TMEM108: variants seen among roughly 807,000 people sequenced by gnomAD.
TMEM108 encodes the protein cancer/testis antigen 124.
A neutral mutation model predicts 35.1 loss-of-function variants in TMEM108; 12 were observed. The observed-to-expected ratio is 0.34, with a 90% CI of 0.22 to 0.55. TMEM108 has a LOEUF of 0.55. Among genes scored for constraint, TMEM108 ranks in the 20% least tolerant of loss-of-function variants. The pLI, the probability that TMEM108 is intolerant of heterozygous loss-of-function variation, is 0.89. For missense variants in TMEM108, 680 were observed against 753.3 expected, an observed-to-expected ratio of 0.90 and a Z score of 1.14; for synonymous variants, 287 against 308.6, an observed-to-expected ratio of 0.93 and a Z score of 0.73.
chr3:133,308,180 G>A (rs971806725), intron 3 of TMEM108, among the ~76,000 whole-genome samples: 2 of 152,086 alleles, frequency 1.3e-5, no homozygotes, highest in African/African-American at 4.8e-5. Context: ...TTGACGTATA[G>A]GAATGCTTGT....
intron 2 of TMEM108, among the ~76,000 whole-genome samples, chr3:133,117,580 G>C (rs1419533121): frequency 5.9e-5 from 9 of 152,152 alleles, no homozygotes; most frequent in African/African-American, 1.7e-4. Context: ...GACCTGGCAG[G>C]TTCTTCCTCA....
intron 2 of TMEM108, among the ~76,000 whole-genome samples, chr3:133,072,815 C>T (rs568283803): frequency 6.6e-6 from 1 of 152,080 alleles, no homozygotes; most frequent in African/African-American, 2.4e-5. Flanking sequence ...CATGCCCTAC[C>T]CCGTTTCCCC....
chr3:133,336,901 G>A (rs2071517507), intron 3 of TMEM108, among the ~76,000 whole-genome samples: 1 of 152,170 alleles, frequency 6.6e-6, no homozygotes, highest in Non-Finnish European at 1.5e-5. Flanking sequence ...AATGTTGGCA[G>A]TAGACTGGCA....
At position 133,374,561 on chromosome 3, in the gene TMEM108, T is replaced by TAC. The variant is rs1175354767; in HGVS notation, c.41-5190_41-5189insCA. Among the ~76,000 whole-genome samples the TAC allele has an allele frequency of 8.5e-4, 68 of 79,880 alleles. 1 individual carries two copies. Among genetic ancestry groups the TAC allele is most frequent in the African/African-American group, 2.1e-3 (63 of 30,602 alleles). 52.4% of individuals were successfully genotyped at this position (79,880 alleles called of 152,430 possible). A position where few individuals can be genotyped will look rare whatever the true frequency, so the allele number is the denominator to read the frequency against. On this transcript the variant is annotated intron_variant, in intron 3 of 5. Coordinates refer to ENST00000321871, the MANE Select transcript of TMEM108 (RefSeq NM_023943.4). ...TTTTTGTTATATATATATATATATA[T>TAC]ATACACACACACACATATATAATTT... is the stretch of plus-strand genomic sequence containing the variant.
chr3:133,118,772 CAT>C (rs1290510862), intron 2 of TMEM108, among the ~76,000 whole-genome samples: 1 of 152,128 alleles, frequency 6.6e-6, no homozygotes, highest in Non-Finnish European at 1.5e-5. Context: ...TTCCCACAGA[CAT>C]AAGTGAATCA....
At chr3:133,192,623 C>G (rs2107815919) in intron 2 of TMEM108, among the ~76,000 whole-genome samples, 1 of 152,234 alleles carries the variant, frequency 6.6e-6, no homozygotes, top group East Asian at 1.9e-4. Context: ...GGAGGAATTA[C>G]AGCAGGAAGG....
chr3:133,312,542 GGGAGAGAATCTCCT>G (rs1474896548), intron 3 of TMEM108, among the ~76,000 whole-genome samples: 1 of 152,254 alleles, frequency 6.6e-6, no homozygotes, highest in Non-Finnish European at 1.5e-5. Context: ...CACCAGGCAT[GGGAGAGAATCTCCT>G]GGTCTGCTGG....
At chr3:133,353,294 T>C (rs2072062848) in intron 3 of TMEM108, among the ~76,000 whole-genome samples, 1 of 152,206 alleles carries the variant, frequency 6.6e-6, no homozygotes, top group African/African-American at 2.4e-5. Flanking sequence ...CTCCATGAAG[T>C]TGAAGCTATG....
chr3:133,132,668 A>C (rs1449758540), intron 2 of TMEM108, among the ~76,000 whole-genome samples: 1 of 152,206 alleles, frequency 6.6e-6, no homozygotes, highest in Non-Finnish European at 1.5e-5. Flanking sequence ...TGGGTCAAGG[A>C]ATAATTTCAA....
At chr3:133,231,254 G>T (rs949398469) in intron 3 of TMEM108, among the ~76,000 whole-genome samples, 2 of 151,818 alleles carry the variant, frequency 1.3e-5, no homozygotes, top group Non-Finnish European at 2.9e-5. Context: ...TTTTAATTTG[G>T]ATAAAAAATC....
intron 2 of TMEM108, among the ~76,000 whole-genome samples, chr3:133,221,660 C>CTTTTTTTTTTTTTTTTT (rs3078806): frequency 2.0e-4 from 12 of 60,352 alleles, no homozygotes; most frequent in South Asian, 9.3e-4. Flanking sequence ...ACATTGATTC[C>CTTTTTTTTTTTTTTTTT]TTTTTTTTTT....
chr3:133,386,402 A>G, intron 4 of TMEM108: 1 of 1,536,140 alleles, frequency 6.5e-7, no homozygotes, highest in Non-Finnish European at 8.7e-7. Context: ...GCAGGGTTTC[A>G]TTTCCATTTC....
intron 3 of TMEM108, among the ~76,000 whole-genome samples, chr3:133,331,834 A>G (rs1451801505): frequency 6.6e-6 from 1 of 152,276 alleles, no homozygotes; most frequent in Non-Finnish European, 1.5e-5. Context: ...AGGCCAGACC[A>G]GAAGTCAGCT....
chr3:133,380,601 C>T lies in TMEM108; in HGVS notation c.890C>T (p.Thr297Ile). 1.9e-6 allele frequency: 3 copies of T among 1,613,272 alleles called. No homozygotes were observed. Among genetic ancestry groups the T allele is most frequent in the Non-Finnish European group, 2.5e-6 (3 of 1,179,562 alleles). Residue 297 changes from threonine to isoleucine, a missense_variant, in exon 4 of 6, where the codon ACA becomes ATA. Thr to Ile is a moderately conservative substitution (Grantham distance 89). Around this residue, in one of 3 missense-constraint regions of TMEM108, gnomAD observed 526 missense variants for 532.1 expected, o/e 0.99. Coordinates refer to ENST00000321871, the MANE Select transcript of TMEM108 (RefSeq NM_023943.4). The surrounding 1 kb of genome is among the most constrained non-coding windows in gnomAD (Gnocchi z 5.3). ...GGSTFTSQGG[T>I]PDATAASGAP... ...TCTACCTTCACCAGCCAAGGAGGGA[C>T]ACCAGATGCCACAGCAGCCTCAGGT...
At chr3:133,054,743 G>GT (rs780061751) in intron 2 of TMEM108, among the ~76,000 whole-genome samples, 1 of 152,164 alleles carries the variant, frequency 6.6e-6, no homozygotes, top group Non-Finnish European at 1.5e-5. Flanking sequence ...AAGAATGATG[G>GT]TCCTGGCTCT....
At chr3:133,369,629 T>C (rs569005428) in intron 3 of TMEM108, among the ~76,000 whole-genome samples, 1 of 152,216 alleles carries the variant, frequency 6.6e-6, no homozygotes, top group African/African-American at 2.4e-5. Context: ...TCAGGAAATA[T>C]AGACAGATAA....
chr3:133,360,006 T>TAA (rs1195762811), intron 3 of TMEM108, among the ~76,000 whole-genome samples: 7 of 92,786 alleles, frequency 7.5e-5, no homozygotes, highest in African/African-American at 1.0e-4. Flanking sequence ...TACTCAACAG[T>TAA]TAAAAAAAAA....
intron 2 of TMEM108, among the ~76,000 whole-genome samples, chr3:133,174,035 C>G (rs753577440): frequency 1.2e-4 from 19 of 152,216 alleles, no homozygotes; most frequent in African/African-American, 4.6e-4. Context: ...GATTATATCC[C>G]GCTCCTGGCT....
At chr3:133,316,515 A>T (rs1366725940) in intron 3 of TMEM108, among the ~76,000 whole-genome samples, 1 of 152,168 alleles carries the variant, frequency 6.6e-6, no homozygotes, top group African/African-American at 2.4e-5. Flanking sequence ...GAACATCATT[A>T]TGCCTAGTGC....
Sources: allele counts gnomAD v4.1 joint callset (sites outside exome capture counted in the v4.1 genomes callset), GRCh38; gene constraint gnomAD v4.1.1; regional missense constraint gnomAD v4.1.1; non-coding constraint Gnocchi (gnomAD v3.1); transcripts MANE v1.5; gene names NCBI Gene and HGNC (gene_info 2026-07-23, HGNC 2026-07-21).